Variants in GRM7 observed in about 807,000 individuals in gnomAD.
GRM7 encodes the protein metabotropic glutamate receptor 7.
In GRM7, 35 loss-of-function variants were observed where a neutral mutation model predicts 84.5. The observed-to-expected ratio is 0.41, with a 90% CI of 0.32 to 0.55. The LOEUF (loss-of-function observed/expected upper bound fraction) is 0.55. GRM7 is among the 20% of genes least tolerant of loss of function. The probability of loss-of-function intolerance (pLI) is 0.19; values close to 1 mark genes in which losing one functional copy is unlikely to be tolerated. For synonymous variants in GRM7, 487 were observed against 455.1 expected (o/e 1.07, Z -0.89); for missense variants, 1,003 against 1,194.6 (o/e 0.84, Z 2.36).
intron 8 of GRM7, among the ~76,000 whole-genome samples, chr3:7,654,301 T>A (rs1699084352): frequency 6.6e-6 from 1 of 152,190 alleles, no homozygotes; most frequent in African/African-American, 2.4e-5. Flanking sequence ...CTCCTCAACA[T>A]AACAATGACA....
chr3:7,438,094 G>C (rs985168326), intron 5 of GRM7, among the ~76,000 whole-genome samples: 4 of 152,054 alleles, frequency 2.6e-5, no homozygotes, highest in Admixed American at 1.3e-4. Flanking sequence ...CCAAGTAAAT[G>C]AAGTGGGGAA....
intron 1 of GRM7, among the ~76,000 whole-genome samples, chr3:7,136,475 T>C (rs1272802184): frequency 6.6e-6 from 1 of 152,042 alleles, no homozygotes; most frequent in Non-Finnish European, 1.5e-5. Context: ...AATGACTTCC[T>C]TGGTCTCTTT....
At chr3:7,219,599 C>A (rs1696731717) in intron 2 of GRM7, among the ~76,000 whole-genome samples, 1 of 152,158 alleles carries the variant, frequency 6.6e-6, no homozygotes, top group Admixed American at 6.5e-5. Context: ...TTAATATGAG[C>A]TCAAGTTCAG....
At chr3:6,872,570 T>A (rs1424482946) in intron 1 of GRM7, among the ~76,000 whole-genome samples, 22 of 152,128 alleles carry the variant, frequency 1.4e-4, no homozygotes, top group Admixed American at 3.3e-4. Context: ...CCATCAACTC[T>A]TCATCTACAT....
intron 1 of GRM7, among the ~76,000 whole-genome samples, chr3:6,890,587 G>T (rs975432909): frequency 6.6e-6 from 1 of 152,152 alleles, no homozygotes; most frequent in Non-Finnish European, 1.5e-5. Context: ...TTGCACTGTG[G>T]TCTGAGAGAC....
chr3:7,310,853 T>TG (rs59496936), intron 4 of GRM7, among the ~76,000 whole-genome samples: 13,897 of 152,104 alleles, frequency 0.091, 2,078 homozygotes, highest in African/African-American at 0.31. Context: ...CCTACATCAT[T>TG]CCACTCTCTT....
intron 1 of GRM7, among the ~76,000 whole-genome samples, chr3:7,030,240 G>A (rs1696140814): frequency 6.6e-6 from 1 of 152,228 alleles, no homozygotes; most frequent in Non-Finnish European, 1.5e-5. Flanking sequence ...AGAAAATGCA[G>A]TCTAATCTGT....
At chr3:7,599,855 C>T (rs3804879) in intron 8 of GRM7, among the ~76,000 whole-genome samples, 16,005 of 151,884 alleles carry the variant, frequency 0.11, 1,020 homozygotes, top group African/African-American at 0.18. Flanking sequence ...CAGATGTACA[C>T]GGTCGTGGGG....
At chr3:7,631,177 G>A (rs1425408688) in intron 8 of GRM7, among the ~76,000 whole-genome samples, 2 of 152,214 alleles carry the variant, frequency 1.3e-5, no homozygotes, top group African/African-American at 4.8e-5. Flanking sequence ...CAGACCACCA[G>A]TGGGCAGTCA....
At chr3:6,965,603 G>C (rs1300029770) in intron 1 of GRM7, among the ~76,000 whole-genome samples, 1 of 152,008 alleles carries the variant, frequency 6.6e-6, no homozygotes, top group Non-Finnish European at 1.5e-5. Context: ...CCAAAGTGTT[G>C]GGATTACAGG....
At chr3:7,438,694 G>T (rs1006847956) in intron 5 of GRM7, among the ~76,000 whole-genome samples, 1 of 152,090 alleles carries the variant, frequency 6.6e-6, no homozygotes, top group Non-Finnish European at 1.5e-5. Flanking sequence ...CCACCCTCCT[G>T]CCCTTCAGTC....
intron 8 of GRM7, among the ~76,000 whole-genome samples, chr3:7,675,077 G>A (rs552709820): frequency 2.0e-5 from 3 of 152,172 alleles, no homozygotes; most frequent in Admixed American, 2.0e-4. Flanking sequence ...ATAGATAAAA[G>A]TGGTGATTCA....
chr3:7,419,147 C>T (rs1370037792), intron 5 of GRM7, among the ~76,000 whole-genome samples: 3 of 151,992 alleles, frequency 2.0e-5, no homozygotes, highest in Non-Finnish European at 4.4e-5. Context: ...AAAACAAGTA[C>T]GTAAGTATAG....
intron 7 of GRM7, among the ~76,000 whole-genome samples, chr3:7,469,050 G>C (rs577117771): frequency 2.0e-5 from 3 of 152,206 alleles, no homozygotes; most frequent in African/African-American, 7.2e-5. Context: ...AGCACCAAGC[G>C]TAGTGCTGAG....
intron 2 of GRM7, among the ~76,000 whole-genome samples, chr3:7,220,940 A>G (rs1456961904): frequency 6.6e-6 from 1 of 152,144 alleles, no homozygotes; most frequent in Non-Finnish European, 1.5e-5. Flanking sequence ...CAAAACTACA[A>G]AAACTTTGCA....
intron 9 of GRM7, among the ~76,000 whole-genome samples, chr3:7,687,011 C>T (rs538345167): frequency 6.6e-6 from 1 of 152,196 alleles, no homozygotes; most frequent in African/African-American, 2.4e-5. Flanking sequence ...GAAAATAAAT[C>T]GGTTTACTGG....
At chr3:6,983,920 T>C (rs1694302773) in intron 1 of GRM7, among the ~76,000 whole-genome samples, 1 of 152,196 alleles carries the variant, frequency 6.6e-6, no homozygotes, top group Non-Finnish European at 1.5e-5. Context: ...ACAATGTATC[T>C]GTGGTTTTAA....
chr3:7,467,396 C>T (rs901247348), intron 7 of GRM7, among the ~76,000 whole-genome samples: 4 of 152,112 alleles, frequency 2.6e-5, no homozygotes, highest in Admixed American at 6.6e-5. Flanking sequence ...GCCAAGTTTT[C>T]CTTTTTAGCC....
At chr3:6,897,122 A>G (rs2124996570) in intron 1 of GRM7, among the ~76,000 whole-genome samples, 1 of 152,314 alleles carries the variant, frequency 6.6e-6, no homozygotes, top group South Asian at 2.1e-4. Context: ...AGACAATAAT[A>G]TCTCATTGTT....
Sources: allele counts gnomAD v4.1 joint callset (sites outside exome capture counted in the v4.1 genomes callset), GRCh38; gene constraint gnomAD v4.1.1; transcripts MANE v1.5; gene names NCBI Gene and HGNC (gene_info 2026-07-23, HGNC 2026-07-21).